The following CELF2 variants were observed in gnomAD, a reference collection of about 807,000 sequenced individuals.
CELF2 encodes CUGBP Elav-like family member 2.
Under a neutral mutation model 62.6 loss-of-function variants are expected in CELF2, and 8 were observed. That is an observed-to-expected ratio of 0.13 (90% CI 0.07 to 0.23). CELF2 has a LOEUF of 0.23. Ranked by LOEUF, CELF2 falls within the 10% of genes least tolerant of loss-of-function variation. CELF2 has a pLI of 1.00. For missense variants in CELF2, 333 were observed against 671.0 expected (o/e 0.50, Z 5.56); for synonymous variants, 258 against 250.0 (o/e 1.03, Z -0.30).
intron 1 of CELF2, among the ~76,000 whole-genome samples, chr10:11,021,433 T>G (rs1593286047): frequency 6.6e-6 from 1 of 152,150 alleles, no homozygotes; most frequent in South Asian, 2.1e-4. Context: ...TGAAGGGTGG[T>G]TCTAAGGACA....
the CELF2 span, among the ~76,000 whole-genome samples, chr10:10,671,811 C>T: frequency 1.3e-5 from 2 of 151,922 alleles, no homozygotes; most frequent in African/African-American, 4.8e-5. Context: ...CTCACTGCAA[C>T]CTCTGCCTCC....
At chr10:10,664,759 G>A in the CELF2 span, among the ~76,000 whole-genome samples, 1 of 152,180 alleles carries the variant, frequency 6.6e-6, no homozygotes, top group African/African-American at 2.4e-5. Flanking sequence ...GCCCCAGTGT[G>A]TGGTTTAGGG....
chr10:11,051,564 A>G (rs1210087353), intron 1 of CELF2, among the ~76,000 whole-genome samples: 2 of 152,212 alleles, frequency 1.3e-5, no homozygotes, highest in Non-Finnish European at 2.9e-5. Flanking sequence ...AGTATGTTGA[A>G]CACCTAAGTG....
At chr10:10,473,078 C>T in the CELF2 span, among the ~76,000 whole-genome samples, 2 of 151,906 alleles carry the variant, frequency 1.3e-5, no homozygotes, top group African/African-American at 4.8e-5. Flanking sequence ...TCAAAAAATA[C>T]GTTGAAGTCA....
rs1363726282 is a variant in CELF2 at position 11,117,603 on chromosome 10, C to T, written c.75-47883C>T. On this transcript the variant is annotated intron_variant, in intron 1 of 12. Transcript: ENST00000633077. The surrounding 1 kb of genome is among the most constrained non-coding windows in gnomAD (Gnocchi z 4.1). The stretch of plus-strand genomic sequence containing the variant: ...TAATATTTATGATAAAAACAAAAAC[C>T]ACGTGTGTGATGGTATCATGACATG... Among the ~76,000 whole-genome samples, 1 of 152,096 alleles carries T rather than the reference C, an allele frequency of 6.6e-6. No homozygotes were observed. The highest frequency in any genetic ancestry group is 2.4e-5 in the African/African-American group (1 of 41,416).
At chr10:11,254,597 A>G (rs1240545385) in intron 4 of CELF2, among the ~76,000 whole-genome samples, 2 of 152,184 alleles carry the variant, frequency 1.3e-5, no homozygotes, top group East Asian at 1.9e-4. Context: ...CAGGAGCTGC[A>G]TGGTTAATTT....
the CELF2 span, among the ~76,000 whole-genome samples, chr10:10,750,260 G>A: frequency 2.4e-4 from 36 of 149,646 alleles, no homozygotes; most frequent in East Asian, 3.9e-4. Flanking sequence ...CCAGCCTGGC[G>A]ACGGAGTGAA....
At chr10:11,288,697 AT>A in intron 9 of CELF2, 145 bp downstream of exon 9, 1 of 913,818 alleles carries the variant, frequency 1.1e-6, no homozygotes, top group Non-Finnish European at 1.6e-6. Context: ...TCATTGGGTT[AT>A]TTTATTTTTA....
chr10:11,035,213 T>A (rs2139131330), intron 1 of CELF2, among the ~76,000 whole-genome samples: 1 of 152,038 alleles, frequency 6.6e-6, no homozygotes. Context: ...AAAAAAAAAA[T>A]TCTAACCTTT....
At chr10:11,181,564 A>C (rs1205497284) in intron 2 of CELF2, among the ~76,000 whole-genome samples, 4 of 152,210 alleles carry the variant, frequency 2.6e-5, no homozygotes, top group African/African-American at 9.7e-5. Flanking sequence ...CATCCAGTGC[A>C]TATGCCATTG....
At chr10:10,760,879 C>G in the CELF2 span, among the ~76,000 whole-genome samples, 1 of 152,114 alleles carries the variant, frequency 6.6e-6, no homozygotes, top group Non-Finnish European at 1.5e-5. Context: ...ATGATGCCAG[C>G]AAAGGTCGCA....
At chr10:11,245,242 G>T (rs1227083385) in intron 3 of CELF2, among the ~76,000 whole-genome samples, 3 of 152,202 alleles carry the variant, frequency 2.0e-5, no homozygotes, top group Non-Finnish European at 4.4e-5. Flanking sequence ...AGTTCTGGGA[G>T]TCGGAAGATT....
intron 2 of CELF2, among the ~76,000 whole-genome samples, chr10:10,959,290 T>C (rs2049229597): frequency 6.6e-6 from 1 of 152,036 alleles, no homozygotes; most frequent in African/African-American, 2.4e-5. Context: ...CAGAGAAAAA[T>C]AAAAAAGTCT....
the CELF2 span, among the ~76,000 whole-genome samples, chr10:10,651,875 T>A: frequency 1.3e-5 from 2 of 149,476 alleles, no homozygotes; most frequent in African/African-American, 4.9e-5. Context: ...GGATGGAGAA[T>A]GACTTTGACG....
At chr10:10,512,137 A>C in the CELF2 span, among the ~76,000 whole-genome samples, 1 of 152,114 alleles carries the variant, frequency 6.6e-6, no homozygotes, top group African/African-American at 2.4e-5. Context: ...TCCTTGCTCG[A>C]GGGTATAAAT....
intron 2 of CELF2, among the ~76,000 whole-genome samples, chr10:10,982,031 C>G (rs1004292712): frequency 2.0e-5 from 3 of 150,578 alleles, no homozygotes; most frequent in Non-Finnish European, 2.9e-5. Flanking sequence ...TCTCAGCCCA[C>G]TGCAGCCTCC....
At chr10:10,641,292 T>C in the CELF2 span, among the ~76,000 whole-genome samples, 1 of 152,224 alleles carries the variant, frequency 6.6e-6, no homozygotes, top group Non-Finnish European at 1.5e-5. Flanking sequence ...TTTCTCTGTC[T>C]GTAAAGTGGA....
the CELF2 span, among the ~76,000 whole-genome samples, chr10:10,747,802 G>A: frequency 1.8e-4 from 27 of 152,298 alleles, no homozygotes; most frequent in African/African-American, 6.5e-4. Flanking sequence ...CGCTTCCAGG[G>A]TTCATGCCAT....
At chr10:11,294,964 C>T (rs1171607799) in intron 9 of CELF2, among the ~76,000 whole-genome samples, 1 of 144,208 alleles carries the variant, frequency 6.9e-6, no homozygotes, top group Non-Finnish European at 1.5e-5. Flanking sequence ...TTTTAGCTTT[C>T]CTATGGTGCT....
Sources: allele counts gnomAD v4.1 joint callset (sites outside exome capture counted in the v4.1 genomes callset), GRCh38; gene constraint gnomAD v4.1.1; non-coding constraint Gnocchi (gnomAD v3.1); transcripts MANE v1.5; gene names NCBI Gene and HGNC (gene_info 2026-07-23, HGNC 2026-07-21).